PTPRN2: variants seen among roughly 807,000 people sequenced by gnomAD.
The protein encoded by PTPRN2 is protein tyrosine phosphatase receptor type N2, also known as receptor-type tyrosine-protein phosphatase N2.
PTPRN2 carries 74 observed loss-of-function variants against 118.8 expected under a neutral mutation model. The observed-to-expected ratio is 0.62, with a 90% confidence interval of 0.52 to 0.76. PTPRN2 has a LOEUF of 0.76. Ranked by LOEUF, PTPRN2 falls within the 30% of genes least tolerant of loss-of-function variation. PTPRN2 has a pLI of 0.00. For synonymous variants in PTPRN2, 641 were observed against 608.0 expected (o/e 1.05, Z -0.80); for missense variants, 1,481 against 1,394.4 (o/e 1.06, Z -0.99).
At chr7:158,306,737 A>C (rs973803520) in intron 3 of PTPRN2, among the ~76,000 whole-genome samples, 38 of 152,216 alleles carry the variant, frequency 2.5e-4, no homozygotes, top group African/African-American at 8.7e-4. Context: ...TTTACTAAAA[A>C]TTTTTGAGGC....
At chr7:158,557,648 G>C (rs1715950069) in intron 1 of PTPRN2, among the ~76,000 whole-genome samples, 1 of 152,352 alleles carries the variant, frequency 6.6e-6, no homozygotes. Flanking sequence ...TCATGTAGCT[G>C]TATTTCTGGG....
intron 2 of PTPRN2, among the ~76,000 whole-genome samples, chr7:158,475,708 T>G (rs1197490218): frequency 6.6e-6 from 1 of 152,164 alleles, no homozygotes; most frequent in African/African-American, 2.4e-5. Context: ...GCAGCTATTC[T>G]AACTACTGTG....
chr7:157,916,178 T>C (rs573330942), intron 11 of PTPRN2, among the ~76,000 whole-genome samples: 26 of 152,382 alleles, frequency 1.7e-4, no homozygotes, highest in Admixed American at 3.9e-4. Flanking sequence ...TGTGTGGTGC[T>C]GCGTGTGGAC....
intron 2 of PTPRN2, among the ~76,000 whole-genome samples, chr7:158,327,040 CACATGTACACATTCTCATCTGCACAT>C (rs796371349): frequency 1.2e-4 from 19 of 152,112 alleles, no homozygotes; most frequent in African/African-American, 4.6e-4. Flanking sequence ...CTCACACATG[CACATGTACACATTCTCATCTGCACAT>C]ACATGCACAC....
chr7:157,937,842 T>C (rs1337022562), intron 11 of PTPRN2, among the ~76,000 whole-genome samples: 2 of 152,228 alleles, frequency 1.3e-5, no homozygotes, highest in East Asian at 3.9e-4. Context: ...CCCTTGTGCC[T>C]AGTGACGTGA....
chr7:158,364,120 A>C (rs1308267281), intron 2 of PTPRN2, among the ~76,000 whole-genome samples: 4 of 151,956 alleles, frequency 2.6e-5, no homozygotes, highest in African/African-American at 9.7e-5. Context: ...GCCTCTCACC[A>C]TGCTTCCCCC....
chr7:158,042,080 T>C (rs143399812), intron 11 of PTPRN2, among the ~76,000 whole-genome samples: 4,687 of 152,344 alleles, frequency 0.031, 112 homozygotes, highest in Non-Finnish European at 0.047. Flanking sequence ...ATCGTGCGGC[T>C]GGACACGCAC....
In PTPRN2 at chr7:158,171,151, CACATATATATACACACATATAT is replaced by C. The variant is rs1253529490; in HGVS notation, c.550-3882_550-3861del. Among the ~76,000 whole-genome samples the C allele has an allele frequency of 1.0e-3, 64 of 62,856 alleles. 1 individual carries two copies. The East Asian group carries it at 0.043, about 42-fold the overall frequency. The allele number at this position is 62,856 out of a possible 152,430, so 41.2% of individuals were successfully genotyped here. On this transcript the variant is annotated intron_variant, in intron 5 of 22. Transcript: ENST00000389418. ...ACACATATATACACACATATATATA[CACATATATATACACACATATAT>C]ACACATATATACACACATACATATA...
At position 157,935,212 on chromosome 7, in the gene PTPRN2, GA is replaced by G. The variant is rs556741452; in HGVS notation, c.1724-36476del. On this transcript the variant is annotated intron_variant, in intron 11 of 22. Transcript: ENST00000389418. Reference sequence around the variant, plus strand: ...GAGGGTGGGTAGGGTTGCTGGTTTTGAATATTAATTCTTCTTTTTTTGTGTC... The same window carrying G: ...GAGGGTGGGTAGGGTTGCTGGTTTTGATATTAATTCTTCTTTTTTTGTGTC... Among the ~76,000 whole-genome samples the G allele has an allele frequency of 6.5e-4, 99 of 152,262 alleles. No individual in the cohort carries two copies. In the South Asian group the frequency reaches 0.012, roughly 19 times the overall value.
intron 1 of PTPRN2, among the ~76,000 whole-genome samples, chr7:158,501,551 G>T (rs1221589892): frequency 6.6e-6 from 1 of 152,188 alleles, no homozygotes; most frequent in Non-Finnish European, 1.5e-5. Context: ...TCCCCAGTCT[G>T]GGAGGCAGAT....
chr7:158,343,680 G>A (rs1411232171), intron 2 of PTPRN2, among the ~76,000 whole-genome samples: 4 of 149,886 alleles, frequency 2.7e-5, no homozygotes, highest in Non-Finnish European at 1.5e-5. Context: ...CCTGCAAGCA[G>A]AGCTCGCGCA....
intron 12 of PTPRN2, among the ~76,000 whole-genome samples, chr7:157,694,508 T>C (rs1797674723): frequency 6.6e-6 from 1 of 152,152 alleles, no homozygotes; most frequent in Non-Finnish European, 1.5e-5. Context: ...CTCTAAGCCC[T>C]AGAGTCTAGG....
At chr7:157,967,424 G>A (rs1209759858) in intron 11 of PTPRN2, among the ~76,000 whole-genome samples, 1 of 152,190 alleles carries the variant, frequency 6.6e-6, no homozygotes, top group African/African-American at 2.4e-5. Flanking sequence ...GCGGATGACG[G>A]TAAATGGGAT....
chr7:157,665,199 T>C (rs992648259), intron 13 of PTPRN2, among the ~76,000 whole-genome samples: 4 of 152,222 alleles, frequency 2.6e-5, no homozygotes, highest in Non-Finnish European at 5.9e-5. Context: ...AAGGAAAATC[T>C]TCTATTTAAG....
At chr7:157,978,181 C>T (rs1378398885) in intron 11 of PTPRN2, among the ~76,000 whole-genome samples, 2 of 151,964 alleles carry the variant, frequency 1.3e-5, no homozygotes, top group African/African-American at 4.8e-5. Context: ...GTGGAAGACA[C>T]GGCTCCTCTG....
At chr7:158,304,794 C>CA (rs993286098) in intron 3 of PTPRN2, among the ~76,000 whole-genome samples, 25 of 152,266 alleles carry the variant, frequency 1.6e-4, no homozygotes, top group Non-Finnish European at 3.2e-4. Flanking sequence ...TTGCAGGCTT[C>CA]AGAGAGAATA....
chr7:158,440,469 GT>G (rs1376352705), intron 2 of PTPRN2, among the ~76,000 whole-genome samples: 14 of 148,498 alleles, frequency 9.4e-5, no homozygotes, highest in African/African-American at 3.4e-4. Flanking sequence ...GTAGCTATGG[GT>G]GTGGTGGTGA....
chr7:158,109,586 T>G (rs998888056), intron 10 of PTPRN2, among the ~76,000 whole-genome samples: 1 of 150,304 alleles, frequency 6.7e-6, no homozygotes. Flanking sequence ...ATGAATGACA[T>G]CACCCTGCGT....
intron 21 of PTPRN2, among the ~76,000 whole-genome samples, chr7:157,557,265 A>T (rs893209363): frequency 6.6e-6 from 1 of 151,180 alleles, no homozygotes; most frequent in Non-Finnish European, 1.5e-5. Flanking sequence ...ACCACACAAC[A>T]CTCACATCCT....
Sources: gnomAD v4.1 joint callset for allele counts (sites outside exome capture counted in the v4.1 genomes callset) on GRCh38, gnomAD v4.1.1 for gene constraint, MANE v1.5 for transcripts, NCBI Gene and HGNC (gene_info 2026-07-23, HGNC 2026-07-21) for gene names.